The following RCAN2 variants were observed in gnomAD, a reference collection of about 807,000 sequenced individuals.
RCAN2 encodes regulator of calcineurin 2.
RCAN2 carries 9 observed loss-of-function variants against 23.6 expected under a neutral mutation model. The observed-to-expected ratio is 0.38, with a 90% CI of 0.23 to 0.67. The LOEUF (loss-of-function observed/expected upper bound fraction) is 0.67. Ranked by LOEUF, RCAN2 falls within the 30% of genes least tolerant of loss-of-function variation. RCAN2 has a pLI of 0.51. For synonymous variants in RCAN2, 109 were observed against 115.7 expected (o/e 0.94, Z 0.37); for missense variants, 273 against 302.3 (o/e 0.90, Z 0.72).
intron 2 of RCAN2, among the ~76,000 whole-genome samples, chr6:46,400,615 T>C (rs1766223045): frequency 2.0e-5 from 3 of 152,194 alleles, no homozygotes; most frequent in Non-Finnish European, 4.4e-5. Context: ...GTGATTTAAC[T>C]TTAGCAAAGA....
At chr6:46,323,315 A>G (rs1763678950) in intron 2 of RCAN2, among the ~76,000 whole-genome samples, 1 of 152,084 alleles carries the variant, frequency 6.6e-6, no homozygotes, top group South Asian at 2.1e-4. Flanking sequence ...CTAAGCTAAT[A>G]AGGTAGAAAT....
intron 1 of RCAN2, among the ~76,000 whole-genome samples, chr6:46,475,601 T>C (rs1768692893): frequency 6.6e-6 from 1 of 152,168 alleles, no homozygotes; most frequent in Admixed American, 6.5e-5. Flanking sequence ...AAATTATTTC[T>C]CTATAGTCAC....
intron 2 of RCAN2, among the ~76,000 whole-genome samples, chr6:46,302,020 T>C (rs1481675727): frequency 3.9e-5 from 6 of 152,056 alleles, no homozygotes; most frequent in Non-Finnish European, 7.4e-5. Flanking sequence ...GACTGGATTA[T>C]AGTACAGCAA....
intron 2 of RCAN2, among the ~76,000 whole-genome samples, chr6:46,448,556 G>C (rs1304567157): frequency 6.6e-6 from 1 of 151,766 alleles, no homozygotes; most frequent in Non-Finnish European, 1.5e-5. Context: ...TATCCCTAAT[G>C]AACACAGATA....
intron 2 of RCAN2, among the ~76,000 whole-genome samples, chr6:46,342,099 T>A (rs2150373366): frequency 6.6e-6 from 1 of 152,288 alleles, no homozygotes; most frequent in East Asian, 1.9e-4. Flanking sequence ...GATATGTCTT[T>A]TGAGTGTAGT....
intron 1 of RCAN2, among the ~76,000 whole-genome samples, chr6:46,481,691 T>G (rs1301781054): frequency 6.6e-6 from 1 of 152,162 alleles, no homozygotes; most frequent in Non-Finnish European, 1.5e-5. Context: ...TAATATCTGG[T>G]CTCTGGCAGC....
intron 4 of RCAN2, among the ~76,000 whole-genome samples, chr6:46,232,535 T>C (rs149801702): frequency 6.7e-4 from 102 of 152,110 alleles, no homozygotes; most frequent in Middle Eastern, 3.4e-3. Flanking sequence ...CTCATGCCTG[T>C]AATGCCAGCA....
chr6:46,236,677 T>C (rs1369681994), intron 4 of RCAN2, among the ~76,000 whole-genome samples: 1 of 152,218 alleles, frequency 6.6e-6, no homozygotes, highest in East Asian at 1.9e-4. Flanking sequence ...ATGTCTGGTA[T>C]GTACTCACAC....
intron 2 of RCAN2, among the ~76,000 whole-genome samples, chr6:46,311,909 C>T (rs1208127183): frequency 3.9e-5 from 6 of 152,146 alleles, no homozygotes; most frequent in Non-Finnish European, 7.4e-5. Flanking sequence ...GGGCATAGGA[C>T]CACACAGGAA....
At chr6:46,377,209 G>A (rs1765498987) in intron 2 of RCAN2, among the ~76,000 whole-genome samples, 1 of 152,160 alleles carries the variant, frequency 6.6e-6, no homozygotes, top group South Asian at 2.1e-4. Context: ...GGATGCTCAA[G>A]GTAACCTACT....
intron 1 of RCAN2, among the ~76,000 whole-genome samples, chr6:46,471,043 G>T (rs1049119761): frequency 2.0e-5 from 3 of 152,204 alleles, no homozygotes; most frequent in Admixed American, 1.3e-4. Flanking sequence ...TACACTTTAT[G>T]TAGGGGTGGT....
At chr6:46,257,735 C>T (rs138003128) in intron 2 of RCAN2, among the ~76,000 whole-genome samples, 112 of 152,158 alleles carry the variant, frequency 7.4e-4, no homozygotes, top group Non-Finnish European at 1.2e-3. Flanking sequence ...TGGGTGGGGA[C>T]GAGGAGCCAA....
At chr6:46,255,139 G>A (rs758135874) in intron 2 of RCAN2, among the ~76,000 whole-genome samples, 1 of 152,160 alleles carries the variant, frequency 6.6e-6, no homozygotes, top group Non-Finnish European at 1.5e-5. Flanking sequence ...TACAGAACCA[G>A]ATGACTCTGG....
At chr6:46,330,176 C>T (rs932724891) in intron 2 of RCAN2, among the ~76,000 whole-genome samples, 6 of 152,222 alleles carry the variant, frequency 3.9e-5, no homozygotes, top group Admixed American at 3.9e-4. Context: ...AATCTTGCTT[C>T]CTCTCTGCTA....
Position 46,223,280 on chromosome 6 carries a change from G to A in RCAN2, c.593C>T (p.Ala198Val), listed in dbSNP as rs1185695348. 6.2e-7 allele frequency: 1 copy of A among 1,613,766 alleles called. No individual in the cohort carries two copies. The highest frequency in any genetic ancestry group is 8.5e-7 in the Non-Finnish European group (1 of 1,179,812). Residue 198 changes from alanine to valine, a missense_variant, in exon 5 of 5, where the codon GCA becomes GTA. Transcript: ENST00000371374. ...LGPGEKYELH[A>V]GTESTPSVVV... The stretch of plus-strand genomic sequence containing the variant: ...GACACTTGGGGTGGACTCAGTCCCT[G>A]CATGGAGCTCATACTTCTCTCCTGA...
intron 2 of RCAN2, among the ~76,000 whole-genome samples, chr6:46,425,618 C>T (rs893874114): frequency 4.6e-5 from 7 of 152,068 alleles, no homozygotes; most frequent in Non-Finnish European, 8.8e-5. Flanking sequence ...TCATTTTCTA[C>T]AATCAGAAGC....
At chr6:46,479,774 G>T (rs59370188) in intron 1 of RCAN2, among the ~76,000 whole-genome samples, 1 of 151,702 alleles carries the variant, frequency 6.6e-6, no homozygotes, top group South Asian at 2.1e-4. Flanking sequence ...GTAACGATGG[G>T]GTTTCACCAT....
At chr6:46,326,650 C>A (rs1309802175) in intron 2 of RCAN2, among the ~76,000 whole-genome samples, 1 of 152,202 alleles carries the variant, frequency 6.6e-6, no homozygotes, top group Non-Finnish European at 1.5e-5. Flanking sequence ...ATTAGTTATA[C>A]AAGTCCCAGT....
chr6:46,386,556 C>T (rs184535046), intron 2 of RCAN2, among the ~76,000 whole-genome samples: 55 of 141,508 alleles, frequency 3.9e-4, no homozygotes, highest in South Asian at 2.3e-4. Context: ...TGCAGTGAGC[C>T]GAGATCGCGC....
Sources: allele counts gnomAD v4.1 joint callset (sites outside exome capture counted in the v4.1 genomes callset), GRCh38; gene constraint gnomAD v4.1.1; transcripts MANE v1.5; gene names NCBI Gene and HGNC (gene_info 2026-07-23, HGNC 2026-07-21).